ITCH: variants seen among roughly 807,000 people sequenced by gnomAD.
The protein encoded by ITCH is itchy E3 ubiquitin protein ligase, also known as E3 ubiquitin-protein ligase Itchy homolog.
In ITCH, 28 loss-of-function variants were observed where a neutral mutation model predicts 126.8. The ratio of observed to expected loss-of-function variants is 0.22; its 90% confidence interval spans 0.16 to 0.30. ITCH has a LOEUF of 0.30. Ranked by LOEUF, ITCH falls within the 10% of genes least tolerant of loss-of-function variation. The pLI is 1.00. For synonymous variants in ITCH, 342 were observed against 340.0 expected, an observed-to-expected ratio of 1.01 and a Z score of -0.06; for missense variants, 631 against 1,032.4, an observed-to-expected ratio of 0.61 and a Z score of 5.33.
chr20:34,410,754 A>G (rs117326574), intron 4 of ITCH, among the ~76,000 whole-genome samples: 2,295 of 152,320 alleles, frequency 0.015, 20 homozygotes, highest in Middle Eastern at 0.024. Context: ...AGAGATGTTC[A>G]GTTGAATTAG....
chr20:34,440,296 C>A lies in ITCH; in HGVS notation c.821C>A (p.Ser274Ter). 6.2e-7 allele frequency: 1 copy of A among 1,614,074 alleles called. No homozygotes were observed. Among genetic ancestry groups the A allele is most frequent in the Non-Finnish European group, 8.5e-7 (1 of 1,179,946 alleles). ...ATTCCTCTTACTATATCTGGAGGCTCAGGCCCTAGGCCATTAAATCCTGTA... is the reference window on the plus strand; with the variant it reads ...ATTCCTCTTACTATATCTGGAGGCTAAGGCCCTAGGCCATTAAATCCTGTA... ...LIIPLTISGG[S>*]GPRPLNPVTQ... is the part of the protein sequence containing the mutation. Residue 274 changes from serine to a stop codon, truncating the protein, a stop_gained, in exon 9 of 25, where the codon TCA (serine) becomes TAA (stop). Coordinates refer to ENST00000374864, the MANE Select transcript of ITCH (RefSeq NM_031483.7). LOFTEE classifies it high-confidence loss of function.
intron 3 of ITCH, chr20:34,402,163 T>A: frequency 1.6e-6 from 2 of 1,243,326 alleles, no homozygotes; most frequent in East Asian, 2.3e-5. Context: ...AGCACACATA[T>A]GCAGCTCTTC....
Position 34,481,088 on chromosome 20 carries a change from G to A in ITCH, c.1975G>A (p.Asp659Asn). ...CAGGGAAAACAATATTGAGGAATGT[G>A]ATTTGGAAATGTACTTCTCCGTTGA... ...WVKENNIEEC[D>N]LEMYFSVDKE... Residue 659 changes from aspartate (D) to asparagine (N), a missense_variant, in exon 20 of 25, where the codon GAT becomes AAT. Transcript: ENST00000374864. The A allele has an allele frequency of 6.2e-7, 1 of 1,613,512 alleles. No homozygotes were observed. Among genetic ancestry groups the A allele is most frequent in the Non-Finnish European group, 8.5e-7 (1 of 1,179,640 alleles).
chr20:34,457,993 A>G (rs931563419), intron 13 of ITCH, among the ~76,000 whole-genome samples: 1 of 152,212 alleles, frequency 6.6e-6, no homozygotes, highest in Non-Finnish European at 1.5e-5. Flanking sequence ...TATCTGGCAC[A>G]TGAGAATATA....
chr20:34,430,478 T>C (rs1350928322), intron 7 of ITCH, among the ~76,000 whole-genome samples: 5 of 152,082 alleles, frequency 3.3e-5, no homozygotes, highest in African/African-American at 1.2e-4. Context: ...TTTTGTTCTG[T>C]TTTGTTTTGT....
chr20:34,487,904 G>T (rs1253563218), intron 20 of ITCH, among the ~76,000 whole-genome samples: 2 of 152,116 alleles, frequency 1.3e-5, no homozygotes, highest in African/African-American at 2.4e-5. Flanking sequence ...ACGCCATTGC[G>T]CTTCAGCCTA....
At position 34,499,615 on chromosome 20, in the gene ITCH, T is replaced by G. The variant is rs538085769; in HGVS notation, c.2417-4716T>G. 4.7e-4 allele frequency among the ~76,000 whole-genome samples: 44 copies of G among 93,088 alleles called. No individual in the cohort carries two copies. The South Asian group carries it at 0.017, about 37-fold the overall frequency. 61.1% of individuals were successfully genotyped at this position (93,088 alleles called of 152,430 possible). A position where few individuals can be genotyped will look rare whatever the true frequency, so the allele number is the denominator to read the frequency against. On this transcript the variant is annotated intron_variant, in intron 23 of 24. Coordinates refer to ENST00000374864, the MANE Select transcript of ITCH (RefSeq NM_031483.7). ...TTAGCTAATGGTTTGTCAATTTTGTTTATCCTTTCAGAAAAAAAAAACAAC... is the reference window on the plus strand; with the variant it reads ...TTAGCTAATGGTTTGTCAATTTTGTGTATCCTTTCAGAAAAAAAAAACAAC...
rs540547732 is a variant in ITCH, at chr20:34,373,279, A to ATT, written c.-22+3824_-22+3825dup. On this transcript the variant is annotated intron_variant, in intron 2 of 24. Coordinates refer to ENST00000374864, the MANE Select transcript of ITCH (RefSeq NM_031483.7). ...TAAGCCACTGCACCTGGCCAAATGT[A>ATT]TTTTTTTTTTTTTTTTGAGGCAGAG... Among the ~76,000 whole-genome samples, 113 of 126,858 alleles carry ATT rather than the reference A, an allele frequency of 8.9e-4. 1 individual carries two copies. The highest frequency in any genetic ancestry group is 5.0e-3 in the Middle Eastern group (1 of 200). 83.2% of individuals were successfully genotyped at this position (126,858 alleles called of 152,430 possible).
chr20:34,498,885 G>A (rs1990055398), intron 23 of ITCH, among the ~76,000 whole-genome samples: 1 of 151,796 alleles, frequency 6.6e-6, no homozygotes, highest in African/African-American at 2.4e-5. Flanking sequence ...CTATTTTCTG[G>A]AAGAGCTTGA....
chr20:34,479,337 G>A (rs1364054530), intron 17 of ITCH, among the ~76,000 whole-genome samples: 2 of 152,124 alleles, frequency 1.3e-5, no homozygotes, highest in Non-Finnish European at 2.9e-5. Flanking sequence ...AAATTACGAT[G>A]TATCTCAGGT....
intron 7 of ITCH, among the ~76,000 whole-genome samples, chr20:34,425,761 C>CTG (rs1330479808): frequency 1.3e-5 from 2 of 152,194 alleles, no homozygotes; most frequent in African/African-American, 4.8e-5. Flanking sequence ...TCCCCACCAT[C>CTG]ACCCTGTTGC....
intron 4 of ITCH, among the ~76,000 whole-genome samples, chr20:34,410,727 C>T (rs1351534341): frequency 6.6e-6 from 1 of 152,176 alleles, no homozygotes; most frequent in Non-Finnish European, 1.5e-5. Context: ...TAAAAGGTCG[C>T]AGCCTCCATG....
At chr20:34,406,607 T>A (rs1035383474) in intron 3 of ITCH, among the ~76,000 whole-genome samples, 1 of 150,638 alleles carries the variant, frequency 6.6e-6, no homozygotes, top group African/African-American at 2.4e-5. Context: ...CAATCGCGGC[T>A]CACTGCAATC....
At chr20:34,380,791 T>G (rs2038031239) in intron 2 of ITCH, among the ~76,000 whole-genome samples, 1 of 151,862 alleles carries the variant, frequency 6.6e-6, no homozygotes, top group Non-Finnish European at 1.5e-5. Context: ...TTTGACCCTT[T>G]TTTAATTTAT....
chr20:34,385,189 ATGTGTGTGTGTG>A (rs150658162), intron 2 of ITCH, among the ~76,000 whole-genome samples: 18 of 101,364 alleles, frequency 1.8e-4, no homozygotes, highest in African/African-American at 4.0e-4. Context: ...AGCTAATTTT[ATGTGTGTGTGTG>A]TGTGTGTGTG....
chr20:34,389,618 A>T, intron 2 of ITCH, among the ~76,000 whole-genome samples: 1 of 152,196 alleles, frequency 6.6e-6, no homozygotes, highest in Admixed American at 6.5e-5. Flanking sequence ...GTAGAAACTT[A>T]GGAACAGAAG....
At chr20:34,377,994 A>T (rs923019500) in intron 2 of ITCH, among the ~76,000 whole-genome samples, 1 of 151,650 alleles carries the variant, frequency 6.6e-6, no homozygotes, top group Admixed American at 6.6e-5. Context: ...TAAGATTTAG[A>T]TTTTGTTCTG....
intron 13 of ITCH, among the ~76,000 whole-genome samples, 185 bp downstream of exon 13, chr20:34,457,659 T>C (rs557285001): frequency 6.6e-6 from 1 of 152,292 alleles, no homozygotes; most frequent in African/African-American, 2.4e-5. Flanking sequence ...TTCTTCAAAG[T>C]GCAGGAAAAA....
intron 2 of ITCH, among the ~76,000 whole-genome samples, chr20:34,370,031 G>T (rs781040129): frequency 1.3e-5 from 2 of 151,594 alleles, no homozygotes; most frequent in Non-Finnish European, 2.9e-5. Context: ...CTTGAGCCAG[G>T]AGGTTGAGGC....
Sources: gnomAD v4.1 joint callset for allele counts (sites outside exome capture counted in the v4.1 genomes callset) on GRCh38, gnomAD v4.1.1 for gene constraint, MANE v1.5 for transcripts, NCBI Gene and HGNC (gene_info 2026-07-23, HGNC 2026-07-21) for gene names.